Variants in WTAP observed in about 807,000 individuals in gnomAD.
The protein encoded by WTAP is pre-mRNA-splicing regulator WTAP.
Under a neutral mutation model 50.0 loss-of-function variants are expected in WTAP, and 8 were observed. That is an observed-to-expected ratio of 0.16 (90% CI 0.09 to 0.29). The LOEUF is 0.29. WTAP is among the 10% of genes least tolerant of loss of function. The probability of loss-of-function intolerance (pLI) is 1.00; values close to 1 mark genes in which losing one functional copy is unlikely to be tolerated. For missense variants in WTAP, 295 were observed against 470.7 expected (o/e 0.63, Z 3.45); for synonymous variants, 194 against 169.0 (o/e 1.15, Z -1.15).
intron 1 of WTAP, among the ~76,000 whole-genome samples, chr6:159,732,376 T>C (rs879611463): frequency 6.6e-6 from 1 of 152,122 alleles, no homozygotes; most frequent in Non-Finnish European, 1.5e-5. Flanking sequence ...AATATAGCTG[T>C]TTTCAAACTG....
intron 3 of WTAP, among the ~76,000 whole-genome samples, chr6:159,740,639 ACAT>A (rs1445180906): frequency 6.6e-6 from 1 of 152,064 alleles, no homozygotes. Flanking sequence ...CCTTGGCTGA[ACAT>A]CAGTGTTTAC....
rs945052466 is a variant in WTAP, at chr6:159,756,315, C to T, written c.*704C>T. 6.6e-6 allele frequency: 1 copy of T among 152,488 alleles called. No homozygotes were observed. The highest frequency in any genetic ancestry group is 2.4e-5 in the African/African-American group (1 of 41,396). The allele number at this position is 152,488 out of a possible 1,614,324, so 9.4% of individuals were successfully genotyped here. A position where few individuals can be genotyped will look rare whatever the true frequency, so the allele number is the denominator to read the frequency against. On this transcript the variant is annotated 3_prime_UTR_variant, in exon 8 of 8. Transcript: ENST00000621533. ...TAAATAAAGATTTTTATTGTAACTCCTTAATTAGCTTTTTTGTTTTGTTTT... is the reference window on the plus strand; with the variant it reads ...TAAATAAAGATTTTTATTGTAACTCTTTAATTAGCTTTTTTGTTTTGTTTT...
At chr6:159,750,429 AG>A (rs1331229881) in intron 6 of WTAP, among the ~76,000 whole-genome samples, 1 of 152,204 alleles carries the variant, frequency 6.6e-6, no homozygotes, top group Non-Finnish European at 1.5e-5. Context: ...AATACTGTAG[AG>A]AAAGGGGGAG....
At position 159,755,220 on chromosome 6, in the gene WTAP, G is replaced by A. The variant is rs1460222440; in HGVS notation, c.800G>A (p.Ser267Asn). Residue 267 changes from serine (S) to asparagine (N), a missense_variant, in exon 8 of 8, where the codon AGT becomes AAT. Physicochemically the swap from Ser to Asn is conservative, Grantham distance 46. Transcript: ENST00000621533. ...CCTGTAGAACAGTCAGAGGCCACAA[G>A]TAAAGACTGCAGTCGTCTGACAAAC... ...SEPVEQSEATSKDCSRLTNGP... is the reference protein window; with the variant it reads ...SEPVEQSEATNKDCSRLTNGP... 1 of 1,614,060 alleles carries A rather than the reference G, an allele frequency of 6.2e-7. No homozygotes were observed. The highest frequency in any genetic ancestry group is 8.5e-7 in the Non-Finnish European group (1 of 1,180,038).
intron 7 of WTAP, 119 bp from the exon 8 acceptor site, chr6:159,754,909 T>C: frequency 1.8e-6 from 2 of 1,105,640 alleles, no homozygotes; most frequent in Non-Finnish European, 2.5e-6. Context: ...AGTGTGATTT[T>C]AGAATTGTAT....
intron 7 of WTAP, among the ~76,000 whole-genome samples, chr6:159,754,375 C>T (rs567826200): frequency 6.6e-6 from 1 of 152,258 alleles, no homozygotes; most frequent in South Asian, 2.1e-4. Context: ...CCTTAAGGAT[C>T]AGACTTGCTA....
chr6:159,728,627 C>T (rs550395135), intron 1 of WTAP, among the ~76,000 whole-genome samples: 1 of 152,248 alleles, frequency 6.6e-6, no homozygotes, highest in South Asian at 2.1e-4. Context: ...GATAGATAAA[C>T]ATGTTGTGGA....
chr6:159,732,886 A>ATAGTGTGTGTGTGTGTGTGTGT (rs146623701), intron 1 of WTAP, among the ~76,000 whole-genome samples: 9 of 146,380 alleles, frequency 6.1e-5, no homozygotes, highest in African/African-American at 2.4e-4. Context: ...ATATATATAT[A>ATAGTGTGTGTGTGTGTGTGTGT]GTGTGTGTGT....
At position 159,728,836 on chromosome 6, in the gene WTAP, T is replaced by A. The variant is rs2114860640; in HGVS notation, c.-9+1133T>A. 3.9e-5 allele frequency among the ~76,000 whole-genome samples: 6 copies of A among 152,334 alleles called. 1 individual carries two copies. In the South Asian group the frequency reaches 1.2e-3, roughly 32 times the overall value. Reference sequence around the variant, plus strand: ...CAGTGCTTTTATATGTTAAGGTATCTTAAGCAGACACATGGTTTAAAAGTT... The same window carrying A: ...CAGTGCTTTTATATGTTAAGGTATCATAAGCAGACACATGGTTTAAAAGTT... On this transcript the variant is annotated intron_variant, in intron 1 of 7. Transcript: ENST00000621533.
chr6:159,755,353 T>A lies in WTAP; in HGVS notation c.933T>A (p.Asn311Lys), dbSNP rs528166112. The A allele has an allele frequency of 6.2e-7, 1 of 1,614,220 alleles. No homozygotes were observed. The highest frequency in any genetic ancestry group is 1.3e-5 in the African/African-American group (1 of 75,032). ...DDFPSSPGNG[N>K]KSSNSSEERT... ...TTCCTTCTTCTCCAGGGAATGGTAA[T>A]AAGTCCTCCAACAGCTCAGAGGAGA... The change falls in exon 8 of 8, where the codon AAT (asparagine) becomes AAA (lysine). Residue 311 changes from asparagine to lysine, a missense_variant. Asn to Lys is a moderately conservative substitution (Grantham distance 94, BLOSUM62 0). This residue lies in a region of WTAP where 175 missense variants were observed against 183.1 expected (regional missense o/e 0.96). Transcript: ENST00000621533.
chr6:159,735,673 C>G (rs1344961287), intron 1 of WTAP, among the ~76,000 whole-genome samples: 1 of 152,062 alleles, frequency 6.6e-6, no homozygotes, highest in Non-Finnish European at 1.5e-5. Context: ...TGCTTGAACC[C>G]TGGAGGCGGA....
Position 159,755,711 on chromosome 6 carries a change from G to A in WTAP, c.*100G>A. On this transcript the variant is annotated 3_prime_UTR_variant, in exon 8 of 8. Coordinates refer to ENST00000621533, the MANE Select transcript of WTAP (RefSeq NM_001270531.2). Reference sequence around the variant, plus strand: ...TTTGTCACAATTTGCCTTTTTGTGGGTGTACGTTTTGGTTTTTTTTTGTTG... The same window carrying A: ...TTTGTCACAATTTGCCTTTTTGTGGATGTACGTTTTGGTTTTTTTTTGTTG... 1.7e-6 allele frequency: 2 copies of A among 1,207,152 alleles called. No homozygotes were observed. Among genetic ancestry groups the A allele is most frequent in the African/African-American group, 1.8e-5 (1 of 56,834 alleles). The allele number at this position is 1,207,152 out of a possible 1,614,324, so 74.8% of individuals were successfully genotyped here.
intron 1 of WTAP, among the ~76,000 whole-genome samples, chr6:159,733,743 G>C (rs1403605225): frequency 6.6e-6 from 1 of 151,686 alleles, no homozygotes; most frequent in Non-Finnish European, 1.5e-5. Flanking sequence ...GAGAAACCCC[G>C]TCTCTACTAA....
chr6:159,748,506 G>A lies in WTAP; in HGVS notation c.452+137G>A. The A allele has an allele frequency of 2.8e-6, 4 of 1,449,328 alleles. No individual in the cohort carries two copies. Among genetic ancestry groups the A allele is most frequent in the Non-Finnish European group, 3.6e-6 (4 of 1,098,184 alleles). 89.8% of individuals were successfully genotyped at this position (1,449,328 alleles called of 1,614,324 possible). Reference sequence around the variant, plus strand: ...CAAAAAAAAGCCACATTCTTACACTGTCCAGCTTGTAATGGTTAATGTAAA... The same window carrying A: ...CAAAAAAAAGCCACATTCTTACACTATCCAGCTTGTAATGGTTAATGTAAA... On this transcript the variant is annotated intron_variant, in intron 6 of 7. Coordinates refer to ENST00000621533, the MANE Select transcript of WTAP (RefSeq NM_001270531.2). The surrounding 1 kb of genome is among the most constrained non-coding windows in gnomAD (Gnocchi z 5.6).
chr6:159,754,778 C>G (rs1397638489), intron 7 of WTAP, among the ~76,000 whole-genome samples: 1 of 152,056 alleles, frequency 6.6e-6, no homozygotes, highest in Non-Finnish European at 1.5e-5. Flanking sequence ...TATTTTCCTT[C>G]TACAGTTGCT....
chr6:159,754,927 C>T, intron 7 of WTAP, 101 bp from the exon 8 acceptor site: 1 of 1,222,360 alleles, frequency 8.2e-7, no homozygotes, highest in Non-Finnish European at 1.1e-6. Context: ...TATTTGTTTA[C>T]TTGAGCGTTT....
chr6:159,727,801 C>T (rs1778292817), intron 1 of WTAP, 98 bp downstream of exon 1: 1 of 876,350 alleles, frequency 1.1e-6, no homozygotes, highest in Non-Finnish European at 1.4e-6. Flanking sequence ...CGGGCAGGGC[C>T]CGAAAGGCCA....
chr6:159,733,411 G>A lies in WTAP; in HGVS notation c.-8-2847G>A, dbSNP rs143079799. ...GCAGTTGGATTGCTTGCGCCCAGGA[G>A]TTCGAGACCAGCCTGGGCAGCATGG... On this transcript the variant is annotated intron_variant, in intron 1 of 7. Transcript: ENST00000621533. Among the ~76,000 whole-genome samples, 10 of 152,238 alleles carry A rather than the reference G, an allele frequency of 6.6e-5. No individual in the cohort carries two copies. The East Asian group carries it at 1.5e-3, about 24-fold the overall frequency.
intron 6 of WTAP, chr6:159,749,020 T>C (rs937977387): frequency 8.0e-6 from 8 of 1,003,522 alleles, no homozygotes; most frequent in Non-Finnish European, 9.5e-6. Flanking sequence ...TCCGTACAAG[T>C]AGCGCATATA....
Sources: gnomAD v4.1 joint callset for allele counts (sites outside exome capture counted in the v4.1 genomes callset) on GRCh38, gnomAD v4.1.1 for gene constraint, gnomAD v4.1.1 regional missense constraint, Gnocchi (gnomAD v3.1) non-coding constraint, MANE v1.5 for transcripts, NCBI Gene and HGNC (gene_info 2026-07-23, HGNC 2026-07-21) for gene names.